Variants in PKN2 observed in about 807,000 individuals in gnomAD.
PKN2 encodes protein kinase N2, also known as serine/threonine-protein kinase N2.
PKN2 carries 38 observed loss-of-function variants against 119.1 expected under a neutral mutation model. The ratio of observed to expected loss-of-function variants is 0.32; its 90% CI spans 0.25 to 0.42. The LOEUF (loss-of-function observed/expected upper bound fraction) is 0.42. Among genes scored for constraint, PKN2 ranks in the 10% least tolerant of loss-of-function variants. PKN2 has a pLI of 1.00. For missense variants in PKN2, 850 were observed against 1,165.1 expected, an observed-to-expected ratio of 0.73 and a Z score of 3.94; for synonymous variants, 390 against 384.9, an observed-to-expected ratio of 1.01 and a Z score of -0.15.
Position 88,732,865 on chromosome 1 carries a change from A to G in PKN2, c.49-8123A>G, listed in dbSNP as rs146696595. 3.4e-3 allele frequency among the ~76,000 whole-genome samples: 524 copies of G among 152,326 alleles called. 4 individuals carry two copies. The highest frequency in any genetic ancestry group is 0.028 in the South Asian group (136 of 4,830). Reference sequence around the variant, plus strand: ...TAATGAAATCTTGTCATTTCAGACAACGTGAATGTACCTAGAGGACACTAA... The same window carrying G: ...TAATGAAATCTTGTCATTTCAGACAGCGTGAATGTACCTAGAGGACACTAA... On this transcript the variant is annotated intron_variant, in intron 1 of 21. Coordinates refer to ENST00000370521, the MANE Select transcript of PKN2 (RefSeq NM_006256.4).
At chr1:88,750,143 G>A (rs559645426) in intron 2 of PKN2, among the ~76,000 whole-genome samples, 1 of 152,288 alleles carries the variant, frequency 6.6e-6, no homozygotes, top group South Asian at 2.1e-4. Flanking sequence ...TTGATAGCTT[G>A]AGAAAAAGCA....
chr1:88,824,289 G>A (rs375166583), intron 17 of PKN2, 21 bp from the exon 18 acceptor site: 13 of 1,267,536 alleles, frequency 1.0e-5, no homozygotes, highest in Admixed American at 2.0e-5. Context: ...TTTTCATGCT[G>A]TATCTTTTTA....
chr1:88,781,696 A>G (rs1670352967), intron 6 of PKN2, among the ~76,000 whole-genome samples: 1 of 152,126 alleles, frequency 6.6e-6, no homozygotes, highest in African/African-American at 2.4e-5. Flanking sequence ...GAGCATTGTC[A>G]TGTTCTGATG....
At chr1:88,690,689 T>A (rs2100645491) in intron 1 of PKN2, among the ~76,000 whole-genome samples, 1 of 152,332 alleles carries the variant, frequency 6.6e-6, no homozygotes, top group South Asian at 2.1e-4. Flanking sequence ...ACTAGCTCTA[T>A]TATCATACTT....
intron 6 of PKN2, among the ~76,000 whole-genome samples, chr1:88,775,513 G>A (rs945275437): frequency 2.6e-5 from 4 of 151,976 alleles, no homozygotes; most frequent in Non-Finnish European, 2.9e-5. Flanking sequence ...TTCATTTACC[G>A]AAGGACTTCT....
At chr1:88,802,008 A>G (rs1671331457) in intron 8 of PKN2, among the ~76,000 whole-genome samples, 1 of 152,238 alleles carries the variant, frequency 6.6e-6, no homozygotes, top group South Asian at 2.1e-4. Context: ...TAAGGAAGCA[A>G]CAACATTTCC....
Position 88,771,402 on chromosome 1 carries a change from ATTT to A in PKN2, c.623-12_623-10del, listed in dbSNP as rs771997558. On this transcript the variant is annotated splice_polypyrimidine_tract_variant and intron_variant, in intron 4 of 21. Transcript: ENST00000370521. The stretch of plus-strand genomic sequence containing the variant: ...AAGTCAGATAAATGGTGCAATTAAA[ATTT>A]TTTTTTCCTTTCTAGCAAAACCTGT... 1 of 1,550,904 alleles carries A rather than the reference ATTT, an allele frequency of 6.4e-7. No homozygotes were observed. Among genetic ancestry groups the A allele is most frequent in the Non-Finnish European group, 8.7e-7 (1 of 1,150,904 alleles).
intron 18 of PKN2, among the ~76,000 whole-genome samples, chr1:88,826,458 G>T: frequency 6.6e-6 from 1 of 151,660 alleles, no homozygotes; most frequent in Non-Finnish European, 1.5e-5. Flanking sequence ...AAATTTATAG[G>T]GTAGAAGTGC....
At chr1:88,713,554 C>T (rs1344366514) in intron 1 of PKN2, among the ~76,000 whole-genome samples, 2 of 152,042 alleles carry the variant, frequency 1.3e-5, no homozygotes, top group East Asian at 1.9e-4. Flanking sequence ...TTCATGTGTC[C>T]GTTGCCTGCA....
chr1:88,705,980 T>C (rs912092161), intron 1 of PKN2, among the ~76,000 whole-genome samples: 2 of 152,156 alleles, frequency 1.3e-5, no homozygotes, highest in African/African-American at 4.8e-5. Flanking sequence ...TCTAGGTTCT[T>C]TATATTTCCA....
At chr1:88,728,917 T>C (rs1185377308) in intron 1 of PKN2, among the ~76,000 whole-genome samples, 2 of 146,442 alleles carry the variant, frequency 1.4e-5, no homozygotes, top group African/African-American at 2.6e-5. Context: ...TTTTTTTAGA[T>C]GGAGTTTCGC....
At chr1:88,721,165 G>A (rs1420491756) in intron 1 of PKN2, among the ~76,000 whole-genome samples, 6 of 152,060 alleles carry the variant, frequency 3.9e-5, no homozygotes, top group African/African-American at 4.8e-5. Flanking sequence ...GGATCAAATG[G>A]TAGACCTACT....
At chr1:88,767,528 A>G (rs1265237431) in intron 3 of PKN2, among the ~76,000 whole-genome samples, 5 of 152,196 alleles carry the variant, frequency 3.3e-5, no homozygotes, top group Non-Finnish European at 7.4e-5. Context: ...ACTAGGCTAC[A>G]TGGTATAGCC....
intron 1 of PKN2, among the ~76,000 whole-genome samples, chr1:88,718,041 A>G (rs1417440076): frequency 6.6e-6 from 1 of 152,132 alleles, no homozygotes; most frequent in Non-Finnish European, 1.5e-5. Context: ...TTTTCCTTCT[A>G]ACAGTCAGGA....
At chr1:88,684,944 C>T in intron 1 of PKN2, 1 of 312,612 alleles carries the variant, frequency 3.2e-6, no homozygotes, top group Non-Finnish European at 5.9e-6. Context: ...GCCCGTCGCC[C>T]CCTCCCTCGG....
At chr1:88,727,969 C>T (rs888664343) in intron 1 of PKN2, among the ~76,000 whole-genome samples, 5 of 150,706 alleles carry the variant, frequency 3.3e-5, no homozygotes, top group Admixed American at 6.6e-5. Context: ...TACTGGGCTG[C>T]CCTGTTTTGC....
At chr1:88,763,275 G>A (rs931755640) in intron 3 of PKN2, among the ~76,000 whole-genome samples, 2 of 152,168 alleles carry the variant, frequency 1.3e-5, no homozygotes, top group Admixed American at 6.5e-5. Flanking sequence ...GCTCCTTTTC[G>A]CAGGGAAAAG....
intron 1 of PKN2, among the ~76,000 whole-genome samples, chr1:88,735,350 A>G (rs1026240564): frequency 3.9e-5 from 6 of 151,912 alleles, no homozygotes; most frequent in Admixed American, 3.3e-4. Context: ...TTTTTAGTAG[A>G]GTCAAAGTCT....
chr1:88,744,801 A>C (rs899736528), intron 2 of PKN2, among the ~76,000 whole-genome samples: 1 of 152,242 alleles, frequency 6.6e-6, no homozygotes, highest in East Asian at 1.9e-4. Flanking sequence ...GATTTTTATC[A>C]GATGAACTTT....
Sources: allele counts gnomAD v4.1 joint callset (sites outside exome capture counted in the v4.1 genomes callset), GRCh38; gene constraint gnomAD v4.1.1; transcripts MANE v1.5; gene names NCBI Gene and HGNC (gene_info 2026-07-23, HGNC 2026-07-21).